ARNT2: variants seen among roughly 807,000 people sequenced by gnomAD.
ARNT2 encodes the protein aryl hydrocarbon receptor nuclear translocator 2.
Under a neutral mutation model 91.7 loss-of-function variants are expected in ARNT2, and 36 were observed. That is an observed-to-expected ratio of 0.39 (90% CI 0.30 to 0.52). The LOEUF is 0.52. Ranked by LOEUF, ARNT2 falls within the 20% of genes least tolerant of loss-of-function variation. The pLI is 0.72. For synonymous variants in ARNT2, 365 were observed against 347.1 expected, an observed-to-expected ratio of 1.05 and a Z score of -0.57; for missense variants, 775 against 939.3, an observed-to-expected ratio of 0.83 and a Z score of 2.29.
intron 1 of ARNT2, among the ~76,000 whole-genome samples, chr15:80,420,895 A>G (rs1487246794): frequency 6.6e-6 from 1 of 152,186 alleles, no homozygotes; most frequent in African/African-American, 2.4e-5. Context: ...AAGGTTTGGC[A>G]GTTACTGAGT....
At chr15:80,462,519 G>GTGTAT (rs1896575766) in intron 3 of ARNT2, among the ~76,000 whole-genome samples, 1 of 152,192 alleles carries the variant, frequency 6.6e-6, no homozygotes, top group East Asian at 1.9e-4. Context: ...TGTATTATCT[G>GTGTAT]TATATTTTTG....
intron 8 of ARNT2, among the ~76,000 whole-genome samples, chr15:80,543,672 T>C (rs66716117): frequency 0.3 from 45,224 of 152,116 alleles, 7,187 homozygotes; most frequent in Non-Finnish European, 0.35. Context: ...TCATTTTGGA[T>C]TGTTTCTATT....
chr15:80,442,671 G>A (rs1268584987), intron 1 of ARNT2, among the ~76,000 whole-genome samples: 2 of 152,246 alleles, frequency 1.3e-5, no homozygotes, highest in South Asian at 2.1e-4. Flanking sequence ...GCTACTGAAT[G>A]TGTGGCCCCC....
chr15:80,571,879 T>C (rs3923623), intron 12 of ARNT2, among the ~76,000 whole-genome samples: 14,432 of 152,228 alleles, frequency 0.095, 2,149 homozygotes, highest in African/African-American at 0.31. Flanking sequence ...GTTGGCCAAC[T>C]TTGACAACCA....
intron 6 of ARNT2, among the ~76,000 whole-genome samples, chr15:80,509,564 A>C (rs555137767): frequency 6.6e-6 from 1 of 152,308 alleles, no homozygotes; most frequent in African/African-American, 2.4e-5. Flanking sequence ...AAATATATGG[A>C]ACATCAGATG....
chr15:80,532,090 G>A (rs1897749594), intron 8 of ARNT2, among the ~76,000 whole-genome samples: 1 of 152,224 alleles, frequency 6.6e-6, no homozygotes, highest in African/African-American at 2.4e-5. Flanking sequence ...AATGCTTAAT[G>A]TGTATTTTCT....
chr15:80,506,909 A>G (rs1222537440), intron 5 of ARNT2, among the ~76,000 whole-genome samples: 1 of 152,200 alleles, frequency 6.6e-6, no homozygotes, highest in African/African-American at 2.4e-5. Flanking sequence ...GGATAAGGAC[A>G]AGGTGGAGAG....
At chr15:80,463,639 C>A (rs1053258007) in intron 3 of ARNT2, among the ~76,000 whole-genome samples, 1 of 144,568 alleles carries the variant, frequency 6.9e-6, no homozygotes, top group Non-Finnish European at 1.5e-5. Context: ...AGTGCAATGG[C>A]GCGGTCTCGG....
Position 80,575,109 on chromosome 15 carries a change from A to G in ARNT2, c.1512A>G (p.Ala504=), listed in dbSNP as rs749894403. Reference sequence around the variant, plus strand: ...CTGAAATGTTTGCAGGAATTAGTGCATGTAAGTTTCCAAATGGTACTGAGG... The same window carrying G: ...CTGAAATGTTTGCAGGAATTAGTGCGTGTAAGTTTCCAAATGGTACTGAGG... ...RFAEMFAGIS[A]SEKKMMSSAS... The change falls in exon 14 of 19, where the codon GCA becomes GCG. Residue 504 remains alanine (A), a splice_region_variant and synonymous_variant. Transcript: ENST00000303329. The G allele has an allele frequency of 1.2e-6, 2 of 1,614,100 alleles. No homozygotes were observed. Among genetic ancestry groups the G allele is most frequent in the South Asian group, 1.1e-5 (1 of 91,082 alleles).
At chr15:80,527,055 A>T (rs1416189315) in intron 8 of ARNT2, among the ~76,000 whole-genome samples, 1 of 152,244 alleles carries the variant, frequency 6.6e-6, no homozygotes, top group Non-Finnish European at 1.5e-5. Flanking sequence ...CATCAAAGCC[A>T]TGATGACCTT....
intron 1 of ARNT2, among the ~76,000 whole-genome samples, chr15:80,427,096 C>G (rs1895944000): frequency 6.6e-6 from 1 of 152,180 alleles, no homozygotes; most frequent in African/African-American, 2.4e-5. Flanking sequence ...GATTCAGTCC[C>G]TACCACCAGC....
intron 5 of ARNT2, among the ~76,000 whole-genome samples, chr15:80,481,720 CAAAT>C (rs1340926195): frequency 6.6e-6 from 1 of 151,594 alleles, no homozygotes; most frequent in African/African-American, 2.4e-5. Context: ...CTCAAATAAA[CAAAT>C]AAATAAATAC....
chr15:80,505,493 G>A (rs951888369), intron 5 of ARNT2, among the ~76,000 whole-genome samples: 1 of 152,200 alleles, frequency 6.6e-6, no homozygotes, highest in Non-Finnish European at 1.5e-5. Context: ...TATTTAATAA[G>A]CATTTATAGA....
In ARNT2 at chr15:80,575,006, C is replaced by G. The variant is rs1898646269; in HGVS notation, c.1409C>G (p.Pro470Arg). 6.2e-7 allele frequency: 1 copy of G among 1,613,998 alleles called. No individual in the cohort carries two copies. The highest frequency in any genetic ancestry group is 1.3e-5 in the African/African-American group (1 of 74,926). The change falls in exon 14 of 19, where the codon CCA (proline) becomes CGA (arginine). Residue 470 changes from proline (P) to arginine (R), a missense_variant. Pro to Arg is a moderately radical substitution (Grantham distance 103, BLOSUM62 -2). Coordinates refer to ENST00000303329, the MANE Select transcript of ARNT2 (RefSeq NM_014862.4). ...AAATAGGTCCCCGTCCCCAACCTAC[C>G]AGCCGGTGTTCATGAGGCCGGGAAG... Reference protein sequence around the residue: ...DLSQVPVPNLPAGVHEAGKSV... With the variant: ...DLSQVPVPNLRAGVHEAGKSV...
chr15:80,503,670 C>T (rs1362421101), intron 5 of ARNT2, among the ~76,000 whole-genome samples: 3 of 152,184 alleles, frequency 2.0e-5, no homozygotes, highest in Admixed American at 6.5e-5. Context: ...TAAAAAGATG[C>T]CGTCTGTGAA....
intron 8 of ARNT2, among the ~76,000 whole-genome samples, chr15:80,531,108 A>G (rs1001574889): frequency 6.6e-5 from 10 of 152,248 alleles, no homozygotes; most frequent in Non-Finnish European, 1.3e-4. Flanking sequence ...TGCTCGTAGC[A>G]GAAGGTGGTT....
rs951135504 is a variant in ARNT2, at chr15:80,508,111, A to G, written c.623-45A>G. ...CCCCGAACTCCCTCCTCCATCTCCC[A>G]ACCGAAGGCAGAGGCTTACGTAACT... On this transcript the variant is annotated intron_variant, in intron 5 of 18. Coordinates refer to ENST00000303329, the MANE Select transcript of ARNT2 (RefSeq NM_014862.4). 7 of 1,596,432 alleles carry G rather than the reference A, an allele frequency of 4.4e-6. No individual in the cohort carries two copies. In the African/African-American group the frequency reaches 9.4e-5, roughly 21 times the overall value.
rs143733227 is a variant in ARNT2 at position 80,509,266 on chromosome 15, A to G, written c.725+1008A>G. 4.3e-3 allele frequency among the ~76,000 whole-genome samples: 653 copies of G among 152,080 alleles called. 3 individuals carry two copies. The highest frequency in any genetic ancestry group is 0.014 in the African/African-American group (588 of 41,478). On this transcript the variant is annotated intron_variant, in intron 6 of 18. Coordinates refer to ENST00000303329, the MANE Select transcript of ARNT2 (RefSeq NM_014862.4). The stretch of plus-strand genomic sequence containing the variant: ...AGACCAGCCTGGCCAAAATGGTGAA[A>G]CCCTGTCTTTATTAAAAATACAAAA...
chr15:80,505,607 G>A (rs1897262324), intron 5 of ARNT2, among the ~76,000 whole-genome samples: 1 of 152,214 alleles, frequency 6.6e-6, no homozygotes. Flanking sequence ...CAATGAGGTA[G>A]CTGAAGCACA....
Sources: allele counts gnomAD v4.1 joint callset (sites outside exome capture counted in the v4.1 genomes callset), GRCh38; gene constraint gnomAD v4.1.1; transcripts MANE v1.5; gene names NCBI Gene and HGNC (gene_info 2026-07-23, HGNC 2026-07-21).